LAMA2: variants seen among roughly 807,000 people sequenced by gnomAD.
LAMA2 encodes the protein laminin subunit alpha-2.
Under a neutral mutation model 364.8 loss-of-function variants are expected in LAMA2, and 269 were observed. That is an observed-to-expected ratio of 0.74 (90% confidence interval 0.67 to 0.82). The LOEUF is 0.82. LAMA2 is among the 40% of genes least tolerant of loss of function. The probability of loss-of-function intolerance (pLI) is 0.00; values close to 1 mark genes in which losing one functional copy is unlikely to be tolerated. For missense variants in LAMA2, 3,807 were observed against 3,873.2 expected, an observed-to-expected ratio of 0.98 and a Z score of 0.45; for synonymous variants, 1,379 against 1,370.6, an observed-to-expected ratio of 1.01 and a Z score of -0.14.
At chr6:129,414,896 C>T (rs187328626) in intron 40 of LAMA2, among the ~76,000 whole-genome samples, 4 of 152,292 alleles carry the variant, frequency 2.6e-5, no homozygotes, top group African/African-American at 9.6e-5. Context: ...TATTATTGTG[C>T]CATCACGTAT....
At chr6:129,396,981 CA>C (rs1562526333) in intron 37 of LAMA2, among the ~76,000 whole-genome samples, 2 of 141,026 alleles carry the variant, frequency 1.4e-5, no homozygotes, top group Non-Finnish European at 3.0e-5. Context: ...GACAGTGAGA[CA>C]GTGTCTCAAA....
chr6:129,508,747 A>ACTTT (rs1248754187), intron 62 of LAMA2, among the ~76,000 whole-genome samples: 1 of 152,102 alleles, frequency 6.6e-6, no homozygotes, highest in Non-Finnish European at 1.5e-5. Flanking sequence ...TATGTACCAC[A>ACTTT]CTTTCTTTAT....
chr6:129,269,049 T>G, intron 16 of LAMA2, among the ~76,000 whole-genome samples: 1 of 152,112 alleles, frequency 6.6e-6, no homozygotes, highest in East Asian at 1.9e-4. Flanking sequence ...TAGCATGGTT[T>G]TTAGCATGAA....
intron 9 of LAMA2, among the ~76,000 whole-genome samples, chr6:129,171,594 G>C (rs1322359692): frequency 6.6e-6 from 1 of 151,432 alleles, no homozygotes; most frequent in Non-Finnish European, 1.5e-5. Context: ...CTTTCTCTCT[G>C]GCTGCCCTTA....
At chr6:129,315,292 T>C (rs990772047) in intron 24 of LAMA2, among the ~76,000 whole-genome samples, 184 bp from the exon 25 acceptor site, 2 of 152,256 alleles carry the variant, frequency 1.3e-5, no homozygotes, top group Non-Finnish European at 2.9e-5. Flanking sequence ...GCTTTCACTA[T>C]GTGAATTAGT....
At chr6:129,370,087 T>A in intron 34 of LAMA2, 97 bp downstream of exon 34, 1 of 935,272 alleles carries the variant, frequency 1.1e-6, no homozygotes, top group Non-Finnish European at 1.7e-6. Context: ...ACCTTCTTCC[T>A]AATTCCCAAT....
chr6:129,208,852 T>G (rs1370731661), intron 12 of LAMA2, among the ~76,000 whole-genome samples: 2 of 152,116 alleles, frequency 1.3e-5, no homozygotes, highest in Non-Finnish European at 2.9e-5. Context: ...TTTGCTCATA[T>G]CTGTCTAATT....
chr6:129,046,196 AC>A (rs1787477304), intron 1 of LAMA2, among the ~76,000 whole-genome samples: 1 of 152,236 alleles, frequency 6.6e-6, no homozygotes, highest in African/African-American at 2.4e-5. Context: ...AGAAAAGTCC[AC>A]TAAAACAAAT....
At chr6:128,888,645 G>A (rs968794465) in intron 1 of LAMA2, among the ~76,000 whole-genome samples, 2 of 152,122 alleles carry the variant, frequency 1.3e-5, no homozygotes, top group Non-Finnish European at 2.9e-5. Flanking sequence ...TCAGGGGGAA[G>A]AGTACTCTCT....
intron 44 of LAMA2, among the ~76,000 whole-genome samples, chr6:129,444,748 C>G (rs1782284978): frequency 6.6e-6 from 1 of 152,206 alleles, no homozygotes; most frequent in Non-Finnish European, 1.5e-5. Context: ...CATTCAGAGT[C>G]TAACACAGCA....
chr6:128,953,369 A>G (rs897840392), intron 1 of LAMA2, among the ~76,000 whole-genome samples: 2 of 152,162 alleles, frequency 1.3e-5, no homozygotes, highest in African/African-American at 4.8e-5. Flanking sequence ...TTAGCTTTAC[A>G]GATAGTAGAC....
At chr6:128,943,637 T>C (rs948337751) in intron 1 of LAMA2, among the ~76,000 whole-genome samples, 1 of 152,230 alleles carries the variant, frequency 6.6e-6, no homozygotes, top group Non-Finnish European at 1.5e-5. Flanking sequence ...AATGAGACTT[T>C]TTGAAGTTTT....
At chr6:128,934,487 ATTTTCTTTCTTT>A (rs145933703) in intron 1 of LAMA2, among the ~76,000 whole-genome samples, 3,657 of 150,222 alleles carry the variant, frequency 0.024, 48 homozygotes, top group Middle Eastern at 0.031. Flanking sequence ...TTTTTTCTAC[ATTTTCTTTCTTT>A]TTTTCTTTCT....
At chr6:129,504,558 C>G (rs926130228) in intron 60 of LAMA2, among the ~76,000 whole-genome samples, 2 of 152,122 alleles carry the variant, frequency 1.3e-5, no homozygotes, top group Non-Finnish European at 2.9e-5. Flanking sequence ...AATTCAGACT[C>G]AAGGTTTTTA....
At chr6:129,233,781 G>T (rs975709335) in intron 12 of LAMA2, among the ~76,000 whole-genome samples, 5 of 152,146 alleles carry the variant, frequency 3.3e-5, no homozygotes, top group Admixed American at 6.6e-5. Context: ...TTGTGCCCAA[G>T]ATTTGGAGAA....
chr6:128,938,784 G>T (rs1485663155), intron 1 of LAMA2, among the ~76,000 whole-genome samples: 1 of 152,074 alleles, frequency 6.6e-6, no homozygotes, highest in Non-Finnish European at 1.5e-5. Flanking sequence ...GTGACCAAAA[G>T]AATGGAAGCC....
intron 1 of LAMA2, among the ~76,000 whole-genome samples, chr6:129,041,226 A>T (rs527657876): frequency 6.6e-6 from 1 of 152,220 alleles, no homozygotes; most frequent in Admixed American, 6.5e-5. Context: ...CACACAGAAG[A>T]CCCCTTAATT....
At chr6:129,414,802 C>T (rs1187411416) in intron 40 of LAMA2, among the ~76,000 whole-genome samples, 1 of 152,178 alleles carries the variant, frequency 6.6e-6, no homozygotes, top group Non-Finnish European at 1.5e-5. Context: ...CCTAACCTAA[C>T]TTTTCTCTCA....
At chr6:129,152,701 G>C (rs1778879256) in intron 7 of LAMA2, among the ~76,000 whole-genome samples, 1 of 152,120 alleles carries the variant, frequency 6.6e-6, no homozygotes, top group African/African-American at 2.4e-5. Flanking sequence ...TCTAACATTA[G>C]AGCGCCTCCC....
Sources: gnomAD v4.1 joint callset for allele counts (sites outside exome capture counted in the v4.1 genomes callset) on GRCh38, gnomAD v4.1.1 for gene constraint, MANE v1.5 for transcripts, NCBI Gene and HGNC (gene_info 2026-07-23, HGNC 2026-07-21) for gene names.